The following LARGE1 variants were observed in gnomAD, a reference collection of about 807,000 sequenced individuals.
LARGE1 encodes the protein LARGE xylosyl- and glucuronyltransferase 1, also known as xylosyl- and glucuronyltransferase LARGE1.
In LARGE1, 43 loss-of-function variants were observed where a neutral mutation model predicts 87.6. The observed-to-expected ratio is 0.49, with a 90% CI of 0.38 to 0.63. The LOEUF (loss-of-function observed/expected upper bound fraction) is 0.63, where lower values mean the gene tolerates loss of function less well. Among genes scored for constraint, LARGE1 ranks in the 30% least tolerant of loss-of-function variants. The pLI, the probability that LARGE1 is intolerant of heterozygous loss-of-function variation, is 0.00. For synonymous variants in LARGE1, 434 were observed against 394.6 expected (o/e 1.10, Z -1.18); for missense variants, 802 against 1,000.2 (o/e 0.80, Z 2.67).
chr22:33,320,353 T>C (rs1936590934), intron 10 of LARGE1, among the ~76,000 whole-genome samples: 1 of 152,126 alleles, frequency 6.6e-6, no homozygotes, highest in Non-Finnish European at 1.5e-5. Context: ...AAACCTTCCA[T>C]TTACCTTTCA....
At chr22:33,854,104 C>T (rs1352077274) in intron 1 of LARGE1, among the ~76,000 whole-genome samples, 1 of 149,816 alleles carries the variant, frequency 6.7e-6, no homozygotes, top group Non-Finnish European at 1.5e-5. Flanking sequence ...GAATGGATTC[C>T]AAGATCCATT....
upstream of LARGE1, among the ~76,000 whole-genome samples, chr22:33,921,057 G>T (rs1045029030): frequency 6.6e-6 from 1 of 150,468 alleles, no homozygotes; most frequent in African/African-American, 2.4e-5. The surrounding 1 kb of genome is among the most constrained non-coding windows in gnomAD (Gnocchi z 4.1). Flanking sequence ...GCGAGCCGGG[G>T]CTGGGTTCCG....
the LARGE1 span, among the ~76,000 whole-genome samples, chr22:33,070,490 A>G: frequency 6.6e-6 from 1 of 152,092 alleles, no homozygotes; most frequent in African/African-American, 2.4e-5. Flanking sequence ...TGCTTTTAAA[A>G]TCCTAAAGCA....
At chr22:33,520,932 A>G (rs1388419481) in intron 6 of LARGE1, among the ~76,000 whole-genome samples, 2 of 152,220 alleles carry the variant, frequency 1.3e-5, no homozygotes, top group Non-Finnish European at 2.9e-5. Context: ...AATAAAAATA[A>G]GTAGTAATTT....
At chr22:33,124,028 G>A in the LARGE1 span, among the ~76,000 whole-genome samples, 1 of 152,170 alleles carries the variant, frequency 6.6e-6, no homozygotes, top group Non-Finnish European at 1.5e-5. Flanking sequence ...GCTCACGTCT[G>A]TAACCCCAAC....
intron 1 of LARGE1, among the ~76,000 whole-genome samples, chr22:33,769,576 C>T (rs140887244): frequency 2.0e-5 from 3 of 152,180 alleles, no homozygotes; most frequent in African/African-American, 4.8e-5. Context: ...TCCAATCACA[C>T]GATACCCCTC....
the LARGE1 span, among the ~76,000 whole-genome samples, chr22:33,070,543 T>C: frequency 7.2e-5 from 11 of 152,026 alleles, no homozygotes; most frequent in Non-Finnish European, 1.2e-4. Context: ...AGCCCCAATA[T>C]CAATAGCAAC....
intron 1 of LARGE1, among the ~76,000 whole-genome samples, chr22:33,770,863 G>A (rs2085047773): frequency 6.6e-6 from 1 of 151,966 alleles, no homozygotes; most frequent in Non-Finnish European, 1.5e-5. Context: ...TCCCATTCTT[G>A]ATAACTGTAA....
the LARGE1 span, among the ~76,000 whole-genome samples, chr22:33,104,945 TTCTCTTTCTCTCTTTCTC>T: frequency 1.5e-5 from 2 of 137,550 alleles, no homozygotes; most frequent in Non-Finnish European, 1.6e-5. Flanking sequence ...CTTTCTTTCT[TTCTCTTTCTCTCTTTCTC>T]TCTTTCTTTC....
chr22:33,180,600 G>T (rs1923110073), intron 11 of LARGE1, among the ~76,000 whole-genome samples: 1 of 152,158 alleles, frequency 6.6e-6, no homozygotes, highest in Non-Finnish European at 1.5e-5. Flanking sequence ...GGAAACATAT[G>T]TTCACACAAA....
chr22:33,092,230 A>G, the LARGE1 span, among the ~76,000 whole-genome samples: 1 of 151,062 alleles, frequency 6.6e-6, no homozygotes, highest in Non-Finnish European at 1.5e-5. Context: ...TAATAAGACT[A>G]TGTAGAATCT....
intron 6 of LARGE1, among the ~76,000 whole-genome samples, chr22:33,464,913 A>C (rs1305118309): frequency 2.0e-5 from 3 of 150,960 alleles, no homozygotes; most frequent in African/African-American, 7.4e-5. Flanking sequence ...ACACATACAC[A>C]TGCACACATA....
At chr22:33,631,296 T>C (rs1358688633) in intron 3 of LARGE1, among the ~76,000 whole-genome samples, 2 of 152,046 alleles carry the variant, frequency 1.3e-5, no homozygotes, top group East Asian at 1.9e-4. Flanking sequence ...GCTTCCAGAG[T>C]AGCTGGGACT....
At chr22:33,769,855 C>T (rs949298781) in intron 1 of LARGE1, among the ~76,000 whole-genome samples, 6 of 152,220 alleles carry the variant, frequency 3.9e-5, no homozygotes, top group African/African-American at 9.6e-5. Flanking sequence ...TCCTGCCACT[C>T]TCTCTAATGA....
chr22:33,809,014 G>C (rs2086405718), intron 1 of LARGE1, among the ~76,000 whole-genome samples: 1 of 117,010 alleles, frequency 8.5e-6, no homozygotes, highest in Admixed American at 1.3e-4. Flanking sequence ...GCTCACACCT[G>C]TAATCCCAGC....
At chr22:33,526,785 A>G (rs891196822) in intron 6 of LARGE1, among the ~76,000 whole-genome samples, 2 of 152,230 alleles carry the variant, frequency 1.3e-5, no homozygotes, top group African/African-American at 4.8e-5. Flanking sequence ...CTCTTTGTAC[A>G]CTAATTAATC....
intron 10 of LARGE1, among the ~76,000 whole-genome samples, chr22:33,332,927 T>C (rs1937922502): frequency 6.6e-6 from 1 of 152,044 alleles, no homozygotes; most frequent in Admixed American, 6.5e-5. Context: ...CACAAAACAA[T>C]CCATCTGCTC....
chr22:33,268,941 CATT>C (rs1928100738), downstream of LARGE1, among the ~76,000 whole-genome samples: 3 of 152,198 alleles, frequency 2.0e-5, 1 homozygote, highest in South Asian at 6.2e-4. Context: ...TGCTATATAA[CATT>C]AATAAACTCA....
At chr22:33,303,385 G>C (rs1229833155) in intron 12 of LARGE1, among the ~76,000 whole-genome samples, 1 of 152,146 alleles carries the variant, frequency 6.6e-6, no homozygotes, top group Non-Finnish European at 1.5e-5. Context: ...CGGTCCCACA[G>C]TTCCCCATTT....
Sources: allele counts gnomAD v4.1 joint callset (sites outside exome capture counted in the v4.1 genomes callset), GRCh38; gene constraint gnomAD v4.1.1; non-coding constraint Gnocchi (gnomAD v3.1); transcripts MANE v1.5; gene names NCBI Gene and HGNC (gene_info 2026-07-23, HGNC 2026-07-21).